TEAD3: variants seen among roughly 807,000 people sequenced by gnomAD.
The protein encoded by TEAD3 is transcriptional enhancer factor TEF-5.
Under a neutral mutation model 55.6 loss-of-function variants are expected in TEAD3, and 15 were observed. The observed-to-expected ratio is 0.27, with a 90% CI of 0.18 to 0.42. The LOEUF (loss-of-function observed/expected upper bound fraction) is 0.42. TEAD3 is among the 10% of genes least tolerant of loss of function. The pLI is 1.00. For missense variants in TEAD3, 407 were observed against 576.8 expected (o/e 0.71, Z 3.01); for synonymous variants, 210 against 232.2 (o/e 0.90, Z 0.87).
chr6:35,487,291 T>C (rs190949756), intron 1 of TEAD3, among the ~76,000 whole-genome samples: 2 of 152,146 alleles, frequency 1.3e-5, no homozygotes, highest in Admixed American at 6.5e-5. Flanking sequence ...CAGTGGCACA[T>C]GCCTATAATC....
intron 3 of TEAD3, 63 bp downstream of exon 4, chr6:35,480,249 G>A: frequency 6.3e-7 from 1 of 1,584,160 alleles, no homozygotes; most frequent in Non-Finnish European, 8.6e-7. Context: ...GAGCTATGCA[G>A]AGATAGCGCC....
chr6:35,474,729 G>A (rs556074119), downstream of TEAD3: 3 of 303,128 alleles, frequency 9.9e-6, no homozygotes, highest in South Asian at 1.3e-4. Flanking sequence ...GGCCACACAT[G>A]CTGGAGGCTG....
intron 7 of TEAD3, 47 bp downstream of exon 7, chr6:35,478,228 G>C (rs373776135): frequency 1.9e-6 from 3 of 1,609,648 alleles, no homozygotes; most frequent in Middle Eastern, 2.1e-4. Flanking sequence ...AGCCCTGTGC[G>C]GCTGCCAGGA....
chr6:35,478,480 C>T (rs1768199773), exon 6 of TEAD3: 1 of 1,612,764 alleles, frequency 6.2e-7, no homozygotes, highest in Non-Finnish European at 8.5e-7. Flanking sequence ...GGAAGGTGGG[C>T]TGAACTTGTT....
intron 1 of TEAD3, among the ~76,000 whole-genome samples, chr6:35,492,263 G>C (rs1183388481): frequency 6.6e-6 from 1 of 152,204 alleles, no homozygotes; most frequent in Admixed American, 6.5e-5. Flanking sequence ...AGCCGGGGGG[G>C]TCGAGGATGG....
Position 35,486,772 on chromosome 6 carries a change from T to C in TEAD3, c.-49-61A>G. The C allele has an allele frequency of 3.3e-6, 4 of 1,218,412 alleles. No individual in the cohort carries two copies. Among genetic ancestry groups the C allele is most frequent in the Non-Finnish European group, 4.6e-6 (4 of 876,474 alleles). The allele number at this position is 1,218,412 out of a possible 1,614,324, so 75.5% of individuals were successfully genotyped here. ...CCTCCTCGACCACAGCAATCTCCTA[T>C]CCCACAGCCGCTGGCTCTGGAGCTC... On this transcript the variant is annotated intron_variant, in intron 1 of 12. Coordinates refer to ENST00000639578, the Ensembl canonical transcript of TEAD3. This position sits in a 1 kb window ranked among gnomAD's most constrained non-coding sequence, Gnocchi z 7.3.
chr6:35,474,992 G>T lies in TEAD3; in HGVS notation c.*52C>A, dbSNP rs926294604. On this transcript the variant is annotated 3_prime_UTR_variant, in exon 13 of 13. Coordinates refer to ENST00000639578, the Ensembl canonical transcript of TEAD3. ...GGACCCCCCCAGGGGTGCCAGGCAGGTGTGGAGAGGAGATGCTCACCCTGC... is the reference window on the plus strand; with the variant it reads ...GGACCCCCCCAGGGGTGCCAGGCAGTTGTGGAGAGGAGATGCTCACCCTGC... 8.4e-6 allele frequency: 12 copies of T among 1,423,214 alleles called. No individual in the cohort carries two copies. The African/African-American group carries it at 1.4e-4, about 17-fold the overall frequency. The allele number at this position is 1,423,214 out of a possible 1,614,324, so 88.2% of individuals were successfully genotyped here.
At chr6:35,474,838 C>T (rs2150909937), downstream of TEAD3, 2 of 553,232 alleles carry the variant, frequency 3.6e-6, no homozygotes, top group Non-Finnish European at 6.4e-6. Context: ...CACCGCTGAG[C>T]CCTCCTCTCC....
At chr6:35,474,776 G>A (rs764084684), downstream of TEAD3, 43 of 428,114 alleles carry the variant, frequency 1.0e-4, no homozygotes, top group Admixed American at 2.9e-4. Flanking sequence ...GAGGTCACGC[G>A]AGGCTGGGCA....
chr6:35,479,765 C>T (rs1258641254), intron 4 of TEAD3, among the ~76,000 whole-genome samples: 2 of 152,356 alleles, frequency 1.3e-5, no homozygotes, highest in Non-Finnish European at 2.9e-5. Flanking sequence ...GCCAGTAGCC[C>T]CGGGGCCTCC....
chr6:35,476,068 T>C lies in TEAD3; in HGVS notation c.751A>G (p.Ile251Val), dbSNP rs777928856. Residue 251 changes from isoleucine (I) to valine (V), a missense_variant, in exon 10 of 13, where the codon ATC (isoleucine) becomes GTC (valine). Coordinates refer to ENST00000639578, the Ensembl canonical transcript of TEAD3. ...GAGAAGGCGGGGTTCGTCTGGCCGA[T>C]GTGCACAAACAGGTGTTTGCTGTAC... is the stretch of plus-strand genomic sequence containing the variant. 4 of 1,538,812 alleles carry C rather than the reference T, an allele frequency of 2.6e-6. No individual in the cohort carries two copies. The Admixed American group carries it at 8.0e-5, about 31-fold the overall frequency.
Position 35,486,058 on chromosome 6 carries a change from C to CTGGAGAGAACTATACGGGCTG in TEAD3, c.202+382_202+402dup, listed in dbSNP as rs1768370703. Among the ~76,000 whole-genome samples the CTGGAGAGAACTATACGGGCTG allele has an allele frequency of 6.6e-6, 1 of 152,232 alleles. No homozygotes were observed. Among genetic ancestry groups the CTGGAGAGAACTATACGGGCTG allele is most frequent in the Non-Finnish European group, 1.5e-5 (1 of 68,038 alleles). On this transcript the variant is annotated intron_variant, in intron 2 of 12. Transcript: ENST00000639578. This position sits in a 1 kb window ranked among gnomAD's most constrained non-coding sequence, Gnocchi z 7.3. ...CCCGTGCGACCTCCCACAGCCCGCA[C>CTGGAGAGAACTATACGGGCTG]TGGAGAGAACTATACGGGCTGTGGG...
rs968036681 is a variant in TEAD3, at chr6:35,486,329, GAC to G, written c.202+130_202+131del. The stretch of plus-strand genomic sequence containing the variant: ...GAGGAGGAGCGCGGAGGAGGATCCA[GAC>G]ACACAGGCTTGCGCGCCCAGACTCG... On this transcript the variant is annotated intron_variant, in intron 2 of 12. Transcript: ENST00000639578. The surrounding 1 kb of genome is among the most constrained non-coding windows in gnomAD (Gnocchi z 7.3). 1.8e-6 allele frequency: 2 copies of G among 1,092,898 alleles called. No individual in the cohort carries two copies. The highest frequency in any genetic ancestry group is 3.2e-5 in the African/African-American group (2 of 63,208). The allele number at this position is 1,092,898 out of a possible 1,614,324, so 67.7% of individuals were successfully genotyped here.
intron 1 of TEAD3, among the ~76,000 whole-genome samples, chr6:35,495,378 C>T (rs1439790378): frequency 2.6e-5 from 4 of 152,220 alleles, no homozygotes; most frequent in Admixed American, 6.5e-5. Context: ...ACAAGCCATT[C>T]CCCAGCCCAG....
chr6:35,480,173 G>A, intron 3 of TEAD3, 139 bp downstream of exon 4: 1 of 1,550,216 alleles, frequency 6.5e-7, no homozygotes, highest in Non-Finnish European at 8.7e-7. Flanking sequence ...GGAAGGAGAG[G>A]CAGAAACAGA....
intron 5 of TEAD3, 24 bp from the exon 6 acceptor site, chr6:35,478,595 G>C (rs922917717): frequency 6.4e-7 from 1 of 1,567,378 alleles, no homozygotes; most frequent in African/African-American, 1.4e-5. Context: ...GCTGCATGAA[G>C]CCAGGGCCAC....
chr6:35,476,303 G>C (rs369458032), exon 9 of TEAD3: 2 of 1,611,868 alleles, frequency 1.2e-6, no homozygotes, highest in Non-Finnish European at 1.7e-6. Context: ...ACACGTTACC[G>C]TGTCAGGGTC....
rs891921709 is a variant in TEAD3 at position 35,488,398 on chromosome 6, C to A, written c.-49-1687G>T. Among the ~76,000 whole-genome samples the A allele has an allele frequency of 5.9e-5, 9 of 152,164 alleles. No homozygotes were observed. Among genetic ancestry groups the A allele is most frequent in the African/African-American group, 2.2e-4 (9 of 41,438 alleles). On this transcript the variant is annotated intron_variant, in intron 1 of 12. Transcript: ENST00000639578. The surrounding 1 kb of genome is among the most constrained non-coding windows in gnomAD (Gnocchi z 4.2). ...ATCACTCACAACCCCAAGACTCACC[C>A]CAAATCCCCTTCAGCCCCAGAACCC...
intron 7 of TEAD3, among the ~76,000 whole-genome samples, chr6:35,478,043 A>C: frequency 6.7e-6 from 1 of 149,292 alleles, no homozygotes; most frequent in South Asian, 2.1e-4. Context: ...TTGAGAGAGC[A>C]AGTCTTGCCC....
Sources: allele counts gnomAD v4.1 joint callset (sites outside exome capture counted in the v4.1 genomes callset), GRCh38; gene constraint gnomAD v4.1.1; non-coding constraint Gnocchi (gnomAD v3.1); transcripts MANE v1.5; gene names NCBI Gene and HGNC (gene_info 2026-07-23, HGNC 2026-07-21).